Variants in CSMD2 observed in about 807,000 individuals in gnomAD.
CSMD2 encodes CUB and Sushi multiple domains 2.
A neutral mutation model predicts 398.5 loss-of-function variants in CSMD2; 130 were observed. The observed-to-expected ratio is 0.33, with a 90% confidence interval of 0.28 to 0.38. The LOEUF (loss-of-function observed/expected upper bound fraction) is 0.38, where lower values mean the gene tolerates loss of function less well. CSMD2 is among the 10% of genes least tolerant of loss of function. The probability of loss-of-function intolerance (pLI) is 1.00; values close to 1 mark genes in which losing one functional copy is unlikely to be tolerated. For synonymous variants in CSMD2, 1,828 were observed against 1,908.5 expected, an observed-to-expected ratio of 0.96 and a Z score of 1.10; for missense variants, 3,829 against 4,764.9, an observed-to-expected ratio of 0.80 and a Z score of 5.78.
chr1:33,850,066 G>A (rs915528932), intron 5 of CSMD2, among the ~76,000 whole-genome samples: 9 of 152,048 alleles, frequency 5.9e-5, no homozygotes, highest in African/African-American at 2.2e-4. Context: ...CTGCCTCAGG[G>A]TCTTTGCAGT....
At chr1:33,823,125 C>T (rs932571249) in intron 7 of CSMD2, among the ~76,000 whole-genome samples, 1 of 152,086 alleles carries the variant, frequency 6.6e-6, no homozygotes, top group Admixed American at 6.5e-5. Context: ...GCCCACCCGC[C>T]AAGCCACAAG....
At chr1:33,972,402 C>T (rs1202914916) in intron 3 of CSMD2, among the ~76,000 whole-genome samples, 4 of 152,176 alleles carry the variant, frequency 2.6e-5, no homozygotes, top group Non-Finnish European at 5.9e-5. Flanking sequence ...TGTCCATGCC[C>T]TGATTTCCAG....
chr1:34,129,311 A>G (rs1663084026), intron 1 of CSMD2, among the ~76,000 whole-genome samples: 1 of 152,316 alleles, frequency 6.6e-6, no homozygotes, highest in Admixed American at 6.5e-5. Context: ...TACATGTATC[A>G]GTTACAATAC....
intron 3 of CSMD2, among the ~76,000 whole-genome samples, chr1:33,987,068 G>A (rs774955912): frequency 6.6e-6 from 1 of 152,078 alleles, no homozygotes; most frequent in Non-Finnish European, 1.5e-5. Context: ...TCTGCCCAGA[G>A]GGGCTAAGTT....
chr1:33,811,262 T>C (rs572807357), intron 9 of CSMD2, among the ~76,000 whole-genome samples: 1 of 152,218 alleles, frequency 6.6e-6, no homozygotes. Flanking sequence ...CTTACTCTGC[T>C]GACCTGTCTG....
Position 33,583,849 on chromosome 1 carries a change from A to G in CSMD2, c.7052-19T>C, listed in dbSNP as rs2148737511. 1 of 1,607,572 alleles carries G rather than the reference A, an allele frequency of 6.2e-7. No individual in the cohort carries two copies. Among genetic ancestry groups the G allele is most frequent in the Admixed American group, 1.7e-5 (1 of 59,758 alleles). On this transcript the variant is annotated intron_variant, in intron 46 of 70. Coordinates refer to ENST00000373381, the MANE Select transcript of CSMD2 (RefSeq NM_001281956.2). ...CAGTGCACTTGGAGAAAGAAAGAGA[A>G]ACACCAAGTACGTGGGGGTGGAGAT...
At chr1:33,973,993 G>T (rs559708135) in intron 3 of CSMD2, among the ~76,000 whole-genome samples, 11 of 152,312 alleles carry the variant, frequency 7.2e-5, no homozygotes, top group South Asian at 6.2e-4. Flanking sequence ...CCCTTCTTCT[G>T]CTGCAGCCCC....
intron 5 of CSMD2, among the ~76,000 whole-genome samples, chr1:33,891,035 C>A (rs1016592539): frequency 4.1e-4 from 63 of 152,140 alleles, no homozygotes; most frequent in East Asian, 2.1e-3. Flanking sequence ...GCAACAAAAG[C>A]CAGAATTGAC....
chr1:33,644,335 AG>A (rs1643294102), intron 29 of CSMD2, among the ~76,000 whole-genome samples: 3 of 152,308 alleles, frequency 2.0e-5, no homozygotes, highest in East Asian at 3.9e-4. Context: ...GAGGAAGCTC[AG>A]GGGGTTTCTA....
chr1:34,092,298 A>C (rs1658662806), intron 1 of CSMD2, among the ~76,000 whole-genome samples: 1 of 152,226 alleles, frequency 6.6e-6, no homozygotes, highest in Non-Finnish European at 1.5e-5. Flanking sequence ...CAGAAAAGTT[A>C]ATTTATAAGT....
intron 13 of CSMD2, among the ~76,000 whole-genome samples, chr1:33,745,369 TA>T (rs1163734252): frequency 6.6e-6 from 1 of 152,164 alleles, no homozygotes; most frequent in Non-Finnish European, 1.5e-5. Context: ...TATACAAGCA[TA>T]AAAAAGGTAG....
chr1:33,566,900 G>C (rs1659102731), intron 53 of CSMD2, among the ~76,000 whole-genome samples: 1 of 151,852 alleles, frequency 6.6e-6, no homozygotes, highest in Non-Finnish European at 1.5e-5. Context: ...GAATGTAAAG[G>C]ACATAGACAA....
chr1:33,733,588 C>A (rs1373407312), intron 15 of CSMD2, among the ~76,000 whole-genome samples: 2 of 152,148 alleles, frequency 1.3e-5, no homozygotes, highest in African/African-American at 4.8e-5. Context: ...TCCCCATAAT[C>A]CCTGCGTGTC....
intron 1 of CSMD2, among the ~76,000 whole-genome samples, chr1:34,143,626 C>A (rs773119473): frequency 1.1e-4 from 16 of 152,158 alleles, no homozygotes; most frequent in Non-Finnish European, 1.8e-4. Flanking sequence ...ATCCCAGAAC[C>A]CAGCATGGTA....
chr1:33,565,255 C>T (rs912286495), intron 53 of CSMD2, among the ~76,000 whole-genome samples: 1 of 152,116 alleles, frequency 6.6e-6, no homozygotes, highest in Non-Finnish European at 1.5e-5. Context: ...TGTCAATGTA[C>T]AACCACAGAA....
intron 3 of CSMD2, among the ~76,000 whole-genome samples, chr1:34,013,042 T>C (rs182751724): frequency 7.0e-4 from 106 of 152,260 alleles, no homozygotes; most frequent in African/African-American, 2.4e-3. Flanking sequence ...AAGCCACAGA[T>C]TGATTAATTG....
chr1:33,737,195 G>A (rs143468727), intron 15 of CSMD2, among the ~76,000 whole-genome samples: 33 of 152,296 alleles, frequency 2.2e-4, no homozygotes, highest in Non-Finnish European at 3.7e-4. Context: ...ACTGAGTTTC[G>A]TGTTGTTTCT....
At chr1:33,580,709 G>A (rs777376645) in intron 48 of CSMD2, 44 bp downstream of exon 48, 2 of 1,608,344 alleles carry the variant, frequency 1.2e-6, no homozygotes, top group South Asian at 1.1e-5. Context: ...TTGAGGCTTC[G>A]ATGAGGAGAG....
chr1:33,831,866 T>C (rs1228570110), intron 6 of CSMD2, among the ~76,000 whole-genome samples: 2 of 151,758 alleles, frequency 1.3e-5, no homozygotes, highest in Middle Eastern at 3.4e-3. Context: ...GCAATCCTAG[T>C]CTCTGATAAT....
Sources: gnomAD v4.1 joint callset for allele counts (sites outside exome capture counted in the v4.1 genomes callset) on GRCh38, gnomAD v4.1.1 for gene constraint, MANE v1.5 for transcripts, NCBI Gene and HGNC (gene_info 2026-07-23, HGNC 2026-07-21) for gene names.